Variants in RNF4 observed in about 807,000 individuals in gnomAD.
RNF4 encodes E3 ubiquitin-protein ligase RNF4.
A neutral mutation model predicts 24.3 loss-of-function variants in RNF4; 7 were observed. That is an observed-to-expected ratio of 0.29 (90% CI 0.16 to 0.54). The LOEUF is 0.54. Among genes scored for constraint, RNF4 ranks in the 20% least tolerant of loss-of-function variants. RNF4 has a pLI of 0.95. For synonymous variants in RNF4, 83 were observed against 84.3 expected, an observed-to-expected ratio of 0.98 and a Z score of 0.09; for missense variants, 209 against 248.5, an observed-to-expected ratio of 0.84 and a Z score of 1.07.
intron 1 of RNF4, among the ~76,000 whole-genome samples, chr4:2,473,583 C>T (rs368570728): frequency 2.8e-4 from 42 of 152,038 alleles, no homozygotes; most frequent in African/African-American, 9.2e-4. Context: ...GAGGCCTAGG[C>T]GGGTGGATTA....
chr4:2,512,956 C>A lies in RNF4; in HGVS notation c.375-127C>A. 1 of 911,206 alleles carries A rather than the reference C, an allele frequency of 1.1e-6. No homozygotes were observed. Among genetic ancestry groups the A allele is most frequent in the Non-Finnish European group, 1.8e-6 (1 of 568,190 alleles). The allele number at this position is 911,206 out of a possible 1,614,324, so 56.4% of individuals were successfully genotyped here. ...GCTTTCCTGAAAGTCTCTCGGATGC[C>A]CGCGCTAAGGCAGAGTCAGGAGGCC... On this transcript the variant is annotated intron_variant, in intron 6 of 7. Coordinates refer to ENST00000314289, the MANE Select transcript of RNF4 (RefSeq NM_002938.5). This position sits in a 1 kb window ranked among gnomAD's most constrained non-coding sequence, Gnocchi z 4.1.
chr4:2,489,579 T>G (rs1200334467), intron 1 of RNF4, among the ~76,000 whole-genome samples: 2 of 152,184 alleles, frequency 1.3e-5, no homozygotes, highest in South Asian at 4.1e-4. Flanking sequence ...GGCTCATGCT[T>G]GAGAAGCACT....
intron 4 of RNF4, among the ~76,000 whole-genome samples, chr4:2,501,888 T>C (rs1450847945): frequency 6.6e-6 from 1 of 152,202 alleles, no homozygotes; most frequent in African/African-American, 2.4e-5. Flanking sequence ...AATAGGGTTA[T>C]ACTGAGAAGT....
chr4:2,502,139 C>G (rs1237053680), intron 4 of RNF4, among the ~76,000 whole-genome samples: 2 of 152,194 alleles, frequency 1.3e-5, no homozygotes, highest in Non-Finnish European at 2.9e-5. Flanking sequence ...TTTCTTTTTC[C>G]CAGCTGACAC....
chr4:2,507,041 C>CT (rs1327250549), intron 4 of RNF4, among the ~76,000 whole-genome samples: 1 of 152,188 alleles, frequency 6.6e-6, no homozygotes, highest in Non-Finnish European at 1.5e-5. Context: ...AAGATTGTCT[C>CT]TTAGTAAGGT....
chr4:2,499,510 A>G (rs1735846259), intron 3 of RNF4: 1 of 282,356 alleles, frequency 3.5e-6, no homozygotes, highest in African/African-American at 2.3e-5. Flanking sequence ...TCTCAACCTC[A>G]GGTGATCCGC....
chr4:2,496,096 G>A (rs561446973), intron 2 of RNF4, among the ~76,000 whole-genome samples: 74 of 152,314 alleles, frequency 4.9e-4, no homozygotes, highest in African/African-American at 1.5e-3. Context: ...TGAACTTTCC[G>A]GAAGACATGG....
chr4:2,476,291 C>T (rs1176268787), intron 1 of RNF4, among the ~76,000 whole-genome samples: 2 of 152,168 alleles, frequency 1.3e-5, no homozygotes, highest in African/African-American at 2.4e-5. Context: ...TGATGTCTTC[C>T]AGTGTTGGTT....
rs1210050298 is a variant in RNF4, at chr4:2,490,463, C to T, written c.-31C>T. 59 of 1,611,128 alleles carry T rather than the reference C, an allele frequency of 3.7e-5. No homozygotes were observed. Among genetic ancestry groups the T allele is most frequent in the East Asian group, 1.6e-4 (7 of 44,844 alleles). On this transcript the variant is annotated 5_prime_UTR_variant, in exon 2 of 8. Transcript: ENST00000314289. Reference sequence around the variant, plus strand: ...ACCTTGGTATAGATCACTTCCTTTTCTGTAGGAAAGGAAAGGCACCAAAGA... The same window carrying T: ...ACCTTGGTATAGATCACTTCCTTTTTTGTAGGAAAGGAAAGGCACCAAAGA...
intron 1 of RNF4, among the ~76,000 whole-genome samples, chr4:2,477,174 C>T (rs1735103762): frequency 6.6e-6 from 1 of 152,194 alleles, no homozygotes. Context: ...GCTGTGTCCC[C>T]ACCCAAATCT....
chr4:2,513,214 C>T (rs1444858504), intron 7 of RNF4, 83 bp downstream of exon 7: 4 of 1,335,908 alleles, frequency 3.0e-6, no homozygotes, highest in African/African-American at 1.4e-5. Context: ...TCTTCCCCCT[C>T]GGTGGGATTG....
chr4:2,490,933 C>T (rs1295095586), intron 2 of RNF4: 2 of 157,940 alleles, frequency 1.3e-5, no homozygotes, highest in South Asian at 1.9e-4. Context: ...TACAAACAAA[C>T]AAAATGTAGC....
intron 1 of RNF4, among the ~76,000 whole-genome samples, chr4:2,472,938 G>A (rs1177964505): frequency 1.3e-5 from 2 of 152,038 alleles, no homozygotes; most frequent in Non-Finnish European, 2.9e-5. Flanking sequence ...TACTCGGGAG[G>A]CTGAGGCAGG....
intron 3 of RNF4, among the ~76,000 whole-genome samples, chr4:2,497,943 C>T (rs1023776232): frequency 2.0e-5 from 3 of 152,038 alleles, no homozygotes; most frequent in Non-Finnish European, 4.4e-5. Context: ...CATGCAAACT[C>T]GCGTTTTAAA....
At chr4:2,511,277 G>A (rs940758393) in intron 4 of RNF4, among the ~76,000 whole-genome samples, 1 of 132,708 alleles carries the variant, frequency 7.5e-6, no homozygotes, top group African/African-American at 2.9e-5. Context: ...AGATAGTAAG[G>A]AAGGTCCCCA....
chr4:2,481,030 G>A (rs2108753668), intron 1 of RNF4: 1 of 152,256 alleles, frequency 6.6e-6, no homozygotes, highest in East Asian at 1.9e-4. Context: ...GCTGAACCAA[G>A]CCATGTAATA....
At chr4:2,503,808 C>T (rs1236067353) in intron 4 of RNF4, among the ~76,000 whole-genome samples, 4 of 152,158 alleles carry the variant, frequency 2.6e-5, no homozygotes, top group Non-Finnish European at 5.9e-5. Context: ...AGCGGGGTAA[C>T]CTTCCTTACC....
intron 2 of RNF4, among the ~76,000 whole-genome samples, chr4:2,491,234 C>T (rs568490255): frequency 1.3e-5 from 2 of 152,184 alleles, no homozygotes; most frequent in Admixed American, 6.5e-5. Context: ...TACTGTTTAG[C>T]GCTTTTGTTT....
intron 1 of RNF4, among the ~76,000 whole-genome samples, chr4:2,484,437 A>C (rs1735347182): frequency 6.6e-6 from 1 of 152,014 alleles, no homozygotes; most frequent in Non-Finnish European, 1.5e-5. Context: ...AGACTCCTTT[A>C]TGTATGATAG....
Sources: gnomAD v4.1 joint callset for allele counts (sites outside exome capture counted in the v4.1 genomes callset) on GRCh38, gnomAD v4.1.1 for gene constraint, Gnocchi (gnomAD v3.1) non-coding constraint, MANE v1.5 for transcripts, NCBI Gene and HGNC (gene_info 2026-07-23, HGNC 2026-07-21) for gene names.